Variants in MAP2K1 observed in about 807,000 individuals in gnomAD.
The protein encoded by MAP2K1 is dual specificity mitogen-activated protein kinase kinase 1.
Under a neutral mutation model 46.3 loss-of-function variants are expected in MAP2K1, and 16 were observed. The observed-to-expected ratio is 0.35, with a 90% CI of 0.23 to 0.52. The LOEUF (loss-of-function observed/expected upper bound fraction) is 0.52, where lower values mean the gene tolerates loss of function less well. MAP2K1 is among the 20% of genes least tolerant of loss of function. MAP2K1 has a pLI of 0.94. For synonymous variants in MAP2K1, 183 were observed against 185.6 expected (o/e 0.99, Z 0.11); for missense variants, 263 against 497.1 (o/e 0.53, Z 4.48).
intron 5 of MAP2K1, among the ~76,000 whole-genome samples, chr15:66,477,779 G>A (rs1892790379): frequency 6.6e-6 from 1 of 152,208 alleles, no homozygotes; most frequent in Non-Finnish European, 1.5e-5. Context: ...AATGGCACTG[G>A]GTGGGAGGAG....
intron 5 of MAP2K1, among the ~76,000 whole-genome samples, chr15:66,464,780 G>A (rs1892420591): frequency 6.6e-6 from 1 of 151,508 alleles, no homozygotes; most frequent in South Asian, 2.1e-4. Context: ...CACCTGCCTC[G>A]GCCTCCCAAA....
chr15:66,396,619 G>T (rs1455088410), intron 1 of MAP2K1, among the ~76,000 whole-genome samples: 1 of 152,026 alleles, frequency 6.6e-6, no homozygotes, highest in Non-Finnish European at 1.5e-5. Flanking sequence ...TCTCCAATGT[G>T]TGTAGTCTTT....
At chr15:66,463,722 G>C (rs1225682483) in intron 5 of MAP2K1, among the ~76,000 whole-genome samples, 3 of 152,252 alleles carry the variant, frequency 2.0e-5, no homozygotes, top group Non-Finnish European at 4.4e-5. Flanking sequence ...GACCTCTGGT[G>C]ATCCACCTGC....
intron 1 of MAP2K1, chr15:66,401,880 G>A: frequency 1.2e-6 from 1 of 825,164 alleles, no homozygotes; most frequent in East Asian, 3.8e-5. Flanking sequence ...GGGATGTGCA[G>A]AGAAGCCAGC....
chr15:66,488,075 C>T (rs1178821408), intron 8 of MAP2K1, among the ~76,000 whole-genome samples: 1 of 151,826 alleles, frequency 6.6e-6, no homozygotes, highest in Non-Finnish European at 1.5e-5. Flanking sequence ...CCTCCCACCT[C>T]CCATTCTTAC....
At chr15:66,433,911 C>T (rs924124559) in intron 1 of MAP2K1, among the ~76,000 whole-genome samples, 1 of 152,176 alleles carries the variant, frequency 6.6e-6, no homozygotes, top group Non-Finnish European at 1.5e-5. Flanking sequence ...CTTTTCAGTT[C>T]CCTGGATGAA....
chr15:66,410,367 G>A (rs1294746228), intron 1 of MAP2K1, among the ~76,000 whole-genome samples: 2 of 151,054 alleles, frequency 1.3e-5, no homozygotes, highest in African/African-American at 5.0e-5. Context: ...GCAGTCCTAG[G>A]GGTTAACTGT....
chr15:66,437,945 G>T (rs2093492811), intron 3 of MAP2K1, among the ~76,000 whole-genome samples: 1 of 151,348 alleles, frequency 6.6e-6, no homozygotes, highest in Admixed American at 6.6e-5. Flanking sequence ...TTGGCCTGGG[G>T]TGCTGATTAT....
At chr15:66,434,968 C>A (rs2140578046) in intron 1 of MAP2K1, 59 bp from the exon 2 acceptor site, 1 of 1,110,532 alleles carries the variant, frequency 9.0e-7, no homozygotes, top group Non-Finnish European at 1.4e-6. Context: ...GATAGGAGTA[C>A]TTCTTTGGGT....
At chr15:66,489,883 C>A in intron 10 of MAP2K1, 120 bp downstream of exon 10, 2 of 883,542 alleles carry the variant, frequency 2.3e-6, no homozygotes, top group South Asian at 2.6e-5. Flanking sequence ...TCCAGCTGAG[C>A]CTGGGGCTGC....
At position 66,441,764 on chromosome 15, in the gene MAP2K1, A is replaced by C. The variant is rs114573774; in HGVS notation, c.439-1516A>C. Among the ~76,000 whole-genome samples the C allele has an allele frequency of 7.9e-3, 1,198 of 152,250 alleles. 15 individuals carry two copies. Among genetic ancestry groups the C allele is most frequent in the African/African-American group, 0.027 (1,119 of 41,512 alleles). On this transcript the variant is annotated intron_variant, in intron 3 of 10. Transcript: ENST00000307102. ...GTTTAAAAAAAGACAAAAAAAAAAA[A>C]AACCTAGTTCTTACATATACAGAGG...
At chr15:66,479,787 G>C (rs912602282) in intron 5 of MAP2K1, among the ~76,000 whole-genome samples, 3 of 152,244 alleles carry the variant, frequency 2.0e-5, no homozygotes, top group Non-Finnish European at 4.4e-5. Flanking sequence ...GATTGGGGCA[G>C]AGAGAGGCTA....
At chr15:66,481,397 A>G (rs1319607580) in intron 5 of MAP2K1, among the ~76,000 whole-genome samples, 2 of 152,088 alleles carry the variant, frequency 1.3e-5, no homozygotes, top group East Asian at 1.9e-4. Context: ...CATAGATACT[A>G]TATCTTACCA....
chr15:66,472,697 C>T (rs1595880871), intron 5 of MAP2K1, among the ~76,000 whole-genome samples: 1 of 150,562 alleles, frequency 6.6e-6, no homozygotes, highest in East Asian at 1.9e-4. Context: ...TTGTCAAACA[C>T]ATTCTTCTAA....
chr15:66,467,212 C>G (rs1892489978), intron 5 of MAP2K1, among the ~76,000 whole-genome samples: 1 of 151,848 alleles, frequency 6.6e-6, no homozygotes, highest in Non-Finnish European at 1.5e-5. Flanking sequence ...CCAGCCTGGT[C>G]AACAAGAGCG....
At chr15:66,409,089 G>A (rs1217941286) in intron 1 of MAP2K1, among the ~76,000 whole-genome samples, 1 of 152,048 alleles carries the variant, frequency 6.6e-6, no homozygotes, top group Non-Finnish European at 1.5e-5. Context: ...ATCTGTCCTG[G>A]GAGGCTCTGT....
rs2140674249 is a variant in MAP2K1 at position 66,485,049 on chromosome 15, G to A, written c.753G>A (p.Leu251=). The A allele has an allele frequency of 2.5e-6, 4 of 1,613,902 alleles. No homozygotes were observed. Among genetic ancestry groups the A allele is most frequent in the Non-Finnish European group, 3.4e-6 (4 of 1,180,032 alleles). ...SVQSDIWSMG[L]SLVEMAVGRY... Reference sequence around the variant, plus strand: ...AGTCAGACATCTGGAGCATGGGACTGTCTCTGGTAGAGATGGCGGTTGGGA... The same window carrying A: ...AGTCAGACATCTGGAGCATGGGACTATCTCTGGTAGAGATGGCGGTTGGGA... The change falls in exon 7 of 11, where the codon CTG becomes CTA. Residue 251 remains leucine (L), a synonymous_variant. Transcript: ENST00000307102.
intron 5 of MAP2K1, among the ~76,000 whole-genome samples, chr15:66,454,121 A>T (rs1232009871): frequency 6.6e-6 from 1 of 152,218 alleles, no homozygotes; most frequent in Non-Finnish European, 1.5e-5. Flanking sequence ...TTCTTCCAGT[A>T]GCAAGAGGGG....
At chr15:66,397,906 A>G (rs868629324) in intron 1 of MAP2K1, among the ~76,000 whole-genome samples, 1 of 152,214 alleles carries the variant, frequency 6.6e-6, no homozygotes, top group Admixed American at 6.5e-5. Context: ...GTTCGAGACC[A>G]GCCTGGCCAA....
Sources: allele counts gnomAD v4.1 joint callset (sites outside exome capture counted in the v4.1 genomes callset), GRCh38; gene constraint gnomAD v4.1.1; transcripts MANE v1.5; gene names NCBI Gene and HGNC (gene_info 2026-07-23, HGNC 2026-07-21).